HS6ST3: variants seen among roughly 807,000 people sequenced by gnomAD.
HS6ST3 encodes heparan-sulfate 6-O-sulfotransferase 3.
Under a neutral mutation model 36.7 loss-of-function variants are expected in HS6ST3, and 12 were observed. That is an observed-to-expected ratio of 0.33 (90% confidence interval 0.21 to 0.53). The LOEUF (loss-of-function observed/expected upper bound fraction) is 0.53, where lower values mean the gene tolerates loss of function less well. Among genes scored for constraint, HS6ST3 ranks in the 20% least tolerant of loss-of-function variants. The probability of loss-of-function intolerance (pLI) is 0.95; values close to 1 mark genes in which losing one functional copy is unlikely to be tolerated. For missense variants in HS6ST3, 584 were observed against 640.9 expected (o/e 0.91, Z 0.96); for synonymous variants, 240 against 257.5 (o/e 0.93, Z 0.65).
chr13:96,404,929 G>T (rs754331965), intron 1 of HS6ST3, among the ~76,000 whole-genome samples: 12 of 152,212 alleles, frequency 7.9e-5, no homozygotes, highest in Non-Finnish European at 1.8e-4. Flanking sequence ...TTGTGCTGGT[G>T]ATAGTGAATG....
chr13:96,709,124 C>T (rs530443448), intron 1 of HS6ST3, among the ~76,000 whole-genome samples: 1 of 152,152 alleles, frequency 6.6e-6, no homozygotes, highest in African/African-American at 2.4e-5. Context: ...TGAGTTCTCA[C>T]AAGATCTGAT....
intron 1 of HS6ST3, among the ~76,000 whole-genome samples, chr13:96,314,408 T>C (rs2054957990): frequency 6.6e-6 from 1 of 152,208 alleles, no homozygotes; most frequent in Admixed American, 6.5e-5. Context: ...AATTTAACTT[T>C]ATTATTTTTC....
At chr13:96,390,871 C>T (rs916794038) in intron 1 of HS6ST3, among the ~76,000 whole-genome samples, 20 of 152,180 alleles carry the variant, frequency 1.3e-4, no homozygotes, top group African/African-American at 4.6e-4. Context: ...GGTTTCTTTA[C>T]ATCACCAAGT....
In HS6ST3 at chr13:96,838,979, G is replaced by A. The variant is rs1168033644; in HGVS notation, c.*5781G>A. Reference sequence around the variant, plus strand: ...ATGGACAGGTGTCTCTTGAGCCTGTGTTCCAAGATGTCTGTGGAAAGGATT... The same window carrying A: ...ATGGACAGGTGTCTCTTGAGCCTGTATTCCAAGATGTCTGTGGAAAGGATT... On this transcript the variant is annotated 3_prime_UTR_variant, in exon 2 of 2. Coordinates refer to ENST00000376705, the MANE Select transcript of HS6ST3 (RefSeq NM_153456.4). 6.6e-6 allele frequency: 1 copy of A among 152,210 alleles called. No individual in the cohort carries two copies. Among genetic ancestry groups the A allele is most frequent in the African/African-American group, 2.4e-5 (1 of 41,450 alleles). 9.4% of individuals were successfully genotyped at this position (152,210 alleles called of 1,614,324 possible). A position where few individuals can be genotyped will look rare whatever the true frequency, so the allele number is the denominator to read the frequency against.
intron 1 of HS6ST3, among the ~76,000 whole-genome samples, chr13:96,601,153 T>C (rs2056420258): frequency 6.6e-6 from 1 of 152,160 alleles, no homozygotes; most frequent in Non-Finnish European, 1.5e-5. Context: ...GGTGATGTCC[T>C]TTTTTGCAAT....
At chr13:96,391,800 A>G (rs111345081) in intron 1 of HS6ST3, among the ~76,000 whole-genome samples, 2,314 of 152,262 alleles carry the variant, frequency 0.015, 31 homozygotes, top group East Asian at 0.057. Flanking sequence ...CCACGATTCA[A>G]TCACCTCCCA....
intron 1 of HS6ST3, among the ~76,000 whole-genome samples, chr13:96,471,714 G>T (rs900935973): frequency 2.6e-5 from 4 of 152,100 alleles, no homozygotes; most frequent in Non-Finnish European, 1.5e-5. Flanking sequence ...AGAGCTAATG[G>T]TCCTTATGGA....
chr13:96,116,868 A>G (rs2053896452), intron 1 of HS6ST3, among the ~76,000 whole-genome samples: 1 of 152,204 alleles, frequency 6.6e-6, no homozygotes, highest in Non-Finnish European at 1.5e-5. Flanking sequence ...AGGCTCAGGG[A>G]AACTCGAAGT....
intron 1 of HS6ST3, among the ~76,000 whole-genome samples, chr13:96,514,245 A>G (rs2056062876): frequency 6.6e-6 from 1 of 152,152 alleles, no homozygotes; most frequent in Non-Finnish European, 1.5e-5. Flanking sequence ...ATGGAAGTAG[A>G]GCGAATGAGA....
intron 1 of HS6ST3, among the ~76,000 whole-genome samples, chr13:96,099,603 A>T (rs201900475): frequency 1.3e-5 from 2 of 152,208 alleles, no homozygotes; most frequent in Non-Finnish European, 2.9e-5. Flanking sequence ...TTTGTAGTTC[A>T]TTCCTATTAT....
At chr13:96,270,180 GCA>G (rs2054713042) in intron 1 of HS6ST3, among the ~76,000 whole-genome samples, 1 of 151,812 alleles carries the variant, frequency 6.6e-6, no homozygotes, top group African/African-American at 2.4e-5. Flanking sequence ...GTGTGTGTGT[GCA>G]CAAAGAGGTC....
At chr13:96,809,259 T>A (rs891784091) in intron 1 of HS6ST3, among the ~76,000 whole-genome samples, 4 of 152,188 alleles carry the variant, frequency 2.6e-5, no homozygotes, top group Non-Finnish European at 4.4e-5. Flanking sequence ...AACATGACTC[T>A]CCCTAACTGA....
At chr13:96,359,851 TA>T (rs927849770) in intron 1 of HS6ST3, among the ~76,000 whole-genome samples, 9 of 152,272 alleles carry the variant, frequency 5.9e-5, no homozygotes, top group South Asian at 4.1e-4. Context: ...TTCTGTCCAT[TA>T]TTAGTTTCCA....
intron 1 of HS6ST3, among the ~76,000 whole-genome samples, chr13:96,710,488 G>A (rs1384869763): frequency 6.6e-6 from 1 of 152,236 alleles, no homozygotes; most frequent in Non-Finnish European, 1.5e-5. Context: ...CCTTTCTCAG[G>A]TGAACACAAG....
intron 1 of HS6ST3, among the ~76,000 whole-genome samples, chr13:96,281,038 C>T (rs567881047): frequency 2.6e-5 from 4 of 152,010 alleles, no homozygotes; most frequent in Admixed American, 6.6e-5. Context: ...GATGGAGTCT[C>T]GCTCTATCAC....
intron 1 of HS6ST3, among the ~76,000 whole-genome samples, chr13:96,371,324 G>C (rs2055289004): frequency 6.6e-6 from 1 of 152,000 alleles, no homozygotes; most frequent in Non-Finnish European, 1.5e-5. Flanking sequence ...TAGCTTTCTT[G>C]AAGTAAAATT....
intron 1 of HS6ST3, among the ~76,000 whole-genome samples, chr13:96,183,561 T>C (rs2054250182): frequency 6.6e-6 from 1 of 152,238 alleles, no homozygotes; most frequent in Admixed American, 6.5e-5. Context: ...TGGGTTCCAT[T>C]ACTCTGTCCA....
intron 1 of HS6ST3, among the ~76,000 whole-genome samples, chr13:96,306,220 C>T (rs926825653): frequency 2.0e-5 from 3 of 151,846 alleles, no homozygotes; most frequent in South Asian, 2.1e-4. Context: ...TCTCCTCCCT[C>T]AGCCTCCCAA....
chr13:96,712,053 T>C (rs1406726147), intron 1 of HS6ST3, among the ~76,000 whole-genome samples: 1 of 152,218 alleles, frequency 6.6e-6, no homozygotes, highest in Non-Finnish European at 1.5e-5. Flanking sequence ...TCCATTTTCC[T>C]GGGATAACAG....
Sources: allele counts gnomAD v4.1 joint callset (sites outside exome capture counted in the v4.1 genomes callset), GRCh38; gene constraint gnomAD v4.1.1; transcripts MANE v1.5; gene names NCBI Gene and HGNC (gene_info 2026-07-23, HGNC 2026-07-21).